SERPINI1: variants seen among roughly 807,000 people sequenced by gnomAD.
The protein encoded by SERPINI1 is neuroserpin.
A neutral mutation model predicts 41.1 loss-of-function variants in SERPINI1; 19 were observed. The ratio of observed to expected loss-of-function variants is 0.46; its 90% CI spans 0.32 to 0.68. The LOEUF (loss-of-function observed/expected upper bound fraction) is 0.68, where lower values mean the gene tolerates loss of function less well. Among genes scored for constraint, SERPINI1 ranks in the 30% least tolerant of loss-of-function variants. SERPINI1 has a pLI of 0.03. For synonymous variants in SERPINI1, 138 were observed against 156.6 expected, an observed-to-expected ratio of 0.88 and a Z score of 0.89; for missense variants, 460 against 479.2, an observed-to-expected ratio of 0.96 and a Z score of 0.37.
intron 5 of SERPINI1, among the ~76,000 whole-genome samples, chr3:167,795,570 C>T (rs1372028004): frequency 6.6e-6 from 1 of 152,148 alleles, no homozygotes; most frequent in Admixed American, 6.6e-5. Flanking sequence ...TGTTGCTTAG[C>T]CTTCAGGGTA....
chr3:167,800,892 T>A (rs1441309799), intron 5 of SERPINI1, among the ~76,000 whole-genome samples: 1 of 152,198 alleles, frequency 6.6e-6, no homozygotes, highest in Non-Finnish European at 1.5e-5. Context: ...GCAAGAGCAC[T>A]GCAACCTCCA....
chr3:167,782,755 C>T lies in SERPINI1; in HGVS notation c.-18-6356C>T, dbSNP rs1391207904. ...TTGCTGTTTTAATTGAAGAACCAAG[C>T]GGGTATTCATGAAGGAGACGAAAAT... On this transcript the variant is annotated intron_variant, in intron 1 of 8. Transcript: ENST00000446050. 5.9e-5 allele frequency among the ~76,000 whole-genome samples: 9 copies of T among 152,012 alleles called. 1 individual carries two copies. Among genetic ancestry groups the T allele is most frequent in the East Asian group, 5.8e-4 (3 of 5,190 alleles).
At position 167,768,980 on chromosome 3, in the gene SERPINI1, TTTTG is replaced by T. The variant is rs58300423; in HGVS notation, c.-18-20103_-18-20100del. 2.8e-3 allele frequency among the ~76,000 whole-genome samples: 422 copies of T among 150,244 alleles called. 4 individuals are homozygous for T. The highest frequency in any genetic ancestry group is 5.8e-3 in the African/African-American group (238 of 40,730). On this transcript the variant is annotated intron_variant, in intron 1 of 8. Coordinates refer to ENST00000446050, the MANE Select transcript of SERPINI1 (RefSeq NM_001122752.2). ...GGAGCCCCTCCCTCTAATTTTGTTC[TTTTG>T]TTTGTTTGTTTGTTTGTTTGTTTGT...
At chr3:167,789,002 A>T in intron 1 of SERPINI1, 109 bp from the exon 2 acceptor site, 1 of 1,036,306 alleles carries the variant, frequency 9.6e-7, no homozygotes, top group Non-Finnish European at 1.4e-6. Flanking sequence ...TTATTTGTTC[A>T]TTTAACTGTT....
At chr3:167,791,404 G>A (rs915458331) in intron 3 of SERPINI1, among the ~76,000 whole-genome samples, 1 of 151,988 alleles carries the variant, frequency 6.6e-6, no homozygotes, top group Non-Finnish European at 1.5e-5. Context: ...CCAAGATGTA[G>A]GCATCTTTTA....
chr3:167,821,744 C>G (rs776383217), intron 6 of SERPINI1, among the ~76,000 whole-genome samples: 6 of 152,180 alleles, frequency 3.9e-5, no homozygotes, highest in Non-Finnish European at 8.8e-5. Context: ...CCCAAGGATC[C>G]TGTAACATAT....
rs200606523 is a variant in SERPINI1, at chr3:167,790,362, C to T, written c.251-10C>T. ...TTCTACAAATAAACTTATCCTTTCT[C>T]ATCTTTCAGGTGAAGAATTTTCTTT... On this transcript the variant is annotated splice_polypyrimidine_tract_variant and intron_variant, in intron 2 of 8. Transcript: ENST00000446050. 1 of 1,564,726 alleles carries T rather than the reference C, an allele frequency of 6.4e-7. No homozygotes were observed. The highest frequency in any genetic ancestry group is 1.1e-5 in the South Asian group (1 of 89,826).
At chr3:167,753,841 G>T (rs1439191911) in intron 1 of SERPINI1, among the ~76,000 whole-genome samples, 3 of 152,124 alleles carry the variant, frequency 2.0e-5, no homozygotes, top group African/African-American at 7.2e-5. Flanking sequence ...TATTAAAAAA[G>T]GAACTGTGAA....
intron 1 of SERPINI1, among the ~76,000 whole-genome samples, chr3:167,739,350 C>A (rs1416215675): frequency 5.3e-5 from 8 of 152,068 alleles, no homozygotes; most frequent in Admixed American, 5.2e-4. Flanking sequence ...AGACAGTTTG[C>A]GCTTTGATAG....
chr3:167,751,155 GTTTA>G (rs1280258599), intron 1 of SERPINI1, among the ~76,000 whole-genome samples: 1 of 151,918 alleles, frequency 6.6e-6, no homozygotes, highest in Non-Finnish European at 1.5e-5. Context: ...GTTTTGCAGA[GTTTA>G]TTATGTTAGG....
intron 1 of SERPINI1, among the ~76,000 whole-genome samples, chr3:167,776,452 T>G (rs1458953284): frequency 6.6e-6 from 1 of 152,202 alleles, no homozygotes; most frequent in East Asian, 1.9e-4. Context: ...CCAAAAGCCT[T>G]TCGAATTCCA....
intron 5 of SERPINI1, among the ~76,000 whole-genome samples, chr3:167,805,298 G>T (rs1326056158): frequency 6.6e-6 from 1 of 152,292 alleles, no homozygotes; most frequent in East Asian, 1.9e-4. Flanking sequence ...CTAACGACCA[G>T]TGATGATGAG....
intron 1 of SERPINI1, among the ~76,000 whole-genome samples, chr3:167,771,114 A>G (rs1373424473): frequency 4.6e-5 from 7 of 152,216 alleles, no homozygotes; most frequent in Non-Finnish European, 1.0e-4. Flanking sequence ...GCAATTTGAC[A>G]GTATTTATCA....
intron 1 of SERPINI1, among the ~76,000 whole-genome samples, chr3:167,772,885 TATATATATAC>T (rs1244071070): frequency 5.4e-5 from 4 of 74,208 alleles, no homozygotes; most frequent in Non-Finnish European, 1.0e-4. Context: ...TATATATATA[TATATATATAC>T]ACACACACAC....
chr3:167,763,916 T>C (rs1354772651), intron 1 of SERPINI1, among the ~76,000 whole-genome samples: 1 of 152,204 alleles, frequency 6.6e-6, no homozygotes, highest in Non-Finnish European at 1.5e-5. Flanking sequence ...GAATAAATTA[T>C]ATTCTCCCAA....
intron 5 of SERPINI1, 105 bp from the exon 6 acceptor site, chr3:167,807,139 C>A: frequency 2.5e-6 from 2 of 794,618 alleles, no homozygotes; most frequent in Non-Finnish European, 2.2e-6. Flanking sequence ...GCATAATTTA[C>A]TCTCCATAAA....
At chr3:167,762,876 A>G (rs9856551) in intron 1 of SERPINI1, among the ~76,000 whole-genome samples, 27,431 of 151,888 alleles carry the variant, frequency 0.18, 2,642 homozygotes, top group Non-Finnish European at 0.21. Context: ...TTAACAGGCA[A>G]AGTAGATAGA....
rs1727652372 is a variant in SERPINI1 at position 167,794,607 on chromosome 3, ATTTTCTT to A, written c.677-9_677-3del. The A allele has an allele frequency of 2.5e-6, 4 of 1,611,540 alleles. No homozygotes were observed. The highest frequency in any genetic ancestry group is 3.4e-6 in the Non-Finnish European group (4 of 1,178,694). ...TTGATAGGCATCTTTTATGGCCTTTATTTTCTTTTTAGGGGAATTTAGTGATGGCTCC... is the reference window on the plus strand; with the variant it reads ...TTGATAGGCATCTTTTATGGCCTTTATTTAGGGGAATTTAGTGATGGCTCC... On this transcript the variant is annotated splice_polypyrimidine_tract_variant and splice_region_variant and intron_variant, in intron 4 of 8. Transcript: ENST00000446050.
chr3:167,774,992 G>T (rs1309087035), intron 1 of SERPINI1, among the ~76,000 whole-genome samples: 1 of 152,012 alleles, frequency 6.6e-6, no homozygotes, highest in Non-Finnish European at 1.5e-5. Context: ...CATTTAATAT[G>T]GGTGGCTTTG....
Sources: allele counts gnomAD v4.1 joint callset (sites outside exome capture counted in the v4.1 genomes callset), GRCh38; gene constraint gnomAD v4.1.1; transcripts MANE v1.5; gene names NCBI Gene and HGNC (gene_info 2026-07-23, HGNC 2026-07-21).